ZNF331: variants seen among roughly 807,000 people sequenced by gnomAD.
The protein encoded by ZNF331 is C2H2-like zinc finger protein rearranged in thyroid adenomas.
In ZNF331, 2 loss-of-function variants were observed where a neutral mutation model predicts 7.0. The ratio of observed to expected loss-of-function variants is 0.29; its 90% CI spans 0.12 to 0.90. The LOEUF (loss-of-function observed/expected upper bound fraction) is 0.90. ZNF331 is among the 40% of genes least tolerant of loss of function. The probability of loss-of-function intolerance (pLI) is 0.58; values close to 1 mark genes in which losing one functional copy is unlikely to be tolerated. For synonymous variants in ZNF331, 196 were observed against 205.4 expected (o/e 0.95, Z 0.39); for missense variants, 432 against 587.7 (o/e 0.74, Z 2.74).
rs547932982 is a variant in ZNF331, at chr19:53,539,380, C to T, written c.-138+98C>T. The T allele has an allele frequency of 6.6e-6, 1 of 152,162 alleles. No individual in the cohort carries two copies. Among genetic ancestry groups the T allele is most frequent in the East Asian group, 1.9e-4 (1 of 5,178 alleles). The allele number at this position is 152,162 out of a possible 1,614,324, so 9.4% of individuals were successfully genotyped here. ...GACCAAGATTTGAGTCCTGTTTCTG[C>T]CTCTTAGCTTTTTGAGCCTTCTGAA... On this transcript the variant is annotated intron_variant, in intron 2 of 5. Transcript: ENST00000449416. This position sits in a 1 kb window ranked among gnomAD's most constrained non-coding sequence, Gnocchi z 6.1.
intron 2 of ZNF331, among the ~76,000 whole-genome samples, chr19:53,550,781 C>T (rs1176555969): frequency 6.6e-6 from 1 of 151,652 alleles, no homozygotes; most frequent in Non-Finnish European, 1.5e-5. Context: ...AAGTGACCTG[C>T]CCACCTTGGC....
At position 53,569,331 on chromosome 19, in the gene ZNF331, C is replaced by A; in HGVS notation, c.-46C>A. On this transcript the variant is annotated 5_prime_UTR_variant, in exon 4 of 6. Transcript: ENST00000449416. ...CTAGCCTCTCGGAATTTGTCTTCTTCAGTGGAAACCCCGAGAAGACTGATC... is the reference window on the plus strand; with the variant it reads ...CTAGCCTCTCGGAATTTGTCTTCTTAAGTGGAAACCCCGAGAAGACTGATC... 1 of 1,610,614 alleles carries A rather than the reference C, an allele frequency of 6.2e-7. No individual in the cohort carries two copies. The highest frequency in any genetic ancestry group is 8.5e-7 in the Non-Finnish European group (1 of 1,177,798).
At chr19:53,550,154 G>A (rs1394561756) in intron 2 of ZNF331, among the ~76,000 whole-genome samples, 1 of 152,170 alleles carries the variant, frequency 6.6e-6, no homozygotes, top group African/African-American at 2.4e-5. Flanking sequence ...GTCCTAACAT[G>A]ATCTATCCTG....
intron 2 of ZNF331, among the ~76,000 whole-genome samples, chr19:53,546,346 T>G (rs1279132555): frequency 2.6e-5 from 4 of 151,994 alleles, no homozygotes; most frequent in Admixed American, 2.0e-4. Flanking sequence ...GCCCCAAATA[T>G]CCTCCCTAAT....
Position 53,560,081 on chromosome 19 carries a change from A to G in ZNF331, c.-74+4173A>G, listed in dbSNP as rs979985437. Among the ~76,000 whole-genome samples, 5 of 150,864 alleles carry G rather than the reference A, an allele frequency of 3.3e-5. No individual in the cohort carries two copies. Among genetic ancestry groups the G allele is most frequent in the Non-Finnish European group, 7.4e-5 (5 of 67,430 alleles). ...ACCTACATATACATACCATACACAC[A>G]CATATATACACACATATACCCACAC... On this transcript the variant is annotated intron_variant, in intron 3 of 5. Transcript: ENST00000449416. The surrounding 1 kb of genome is among the most constrained non-coding windows in gnomAD (Gnocchi z 4.3).
chr19:53,553,292 C>CAA (rs978247227), intron 2 of ZNF331, among the ~76,000 whole-genome samples: 26 of 98,358 alleles, frequency 2.6e-4, no homozygotes, highest in Non-Finnish European at 3.4e-4. Flanking sequence ...AACTCCATCT[C>CAA]AAAAAAAAAA....
chr19:53,570,853 C>CTTTT (rs2090409035), intron 4 of ZNF331, among the ~76,000 whole-genome samples: 1 of 141,708 alleles, frequency 7.1e-6, no homozygotes, highest in Non-Finnish European at 1.5e-5. Context: ...CTTTTCTTTT[C>CTTTT]TTTTCTTTTC....
chr19:53,535,435 C>T (rs1438494482), upstream of ZNF331, among the ~76,000 whole-genome samples: 1 of 152,080 alleles, frequency 6.6e-6, no homozygotes, highest in Admixed American at 6.6e-5. Flanking sequence ...ACTGTTAACA[C>T]TTAGTATGTA....
At chr19:53,538,984 T>C (rs1446885419) in intron 1 of ZNF331, 1 of 152,184 alleles carries the variant, frequency 6.6e-6, no homozygotes, top group Non-Finnish European at 1.5e-5. Context: ...GTGCTGTGCA[T>C]GCAGGCCACC....
chr19:53,566,007 C>G (rs1159005346), intron 3 of ZNF331, among the ~76,000 whole-genome samples: 2 of 152,158 alleles, frequency 1.3e-5, no homozygotes, highest in African/African-American at 4.8e-5. Flanking sequence ...CAGGAGCTGT[C>G]AGGACCACCA....
chr19:53,554,191 G>A (rs545154083), intron 2 of ZNF331, among the ~76,000 whole-genome samples: 1 of 152,300 alleles, frequency 6.6e-6, no homozygotes, highest in East Asian at 1.9e-4. Context: ...GGGGACCGCC[G>A]AGTGCGCCTG....
At chr19:53,569,892 A>G (rs1001052184) in intron 4 of ZNF331, among the ~76,000 whole-genome samples, 3 of 152,092 alleles carry the variant, frequency 2.0e-5, no homozygotes, top group African/African-American at 7.2e-5. Context: ...TGGAGGATAA[A>G]TTTTATTATT....
the ZNF331 span, among the ~76,000 whole-genome samples, chr19:53,505,519 T>G: frequency 6.6e-6 from 1 of 152,158 alleles, no homozygotes; most frequent in African/African-American, 2.4e-5. Flanking sequence ...TTAGTCCTGT[T>G]GCATGCAAGG....
At chr19:53,570,954 G>T (rs1346755829) in intron 4 of ZNF331, among the ~76,000 whole-genome samples, 1 of 151,288 alleles carries the variant, frequency 6.6e-6, no homozygotes, top group Non-Finnish European at 1.5e-5. Context: ...ACCACCCCGG[G>T]TTCATGCCAT....
chr19:53,523,809 C>T (rs2087184799), intron 2 of ZNF331, among the ~76,000 whole-genome samples: 1 of 151,918 alleles, frequency 6.6e-6, no homozygotes, highest in Admixed American at 6.6e-5. Context: ...TACATGTGCA[C>T]AATATGCAGG....
At chr19:53,566,624 A>AG (rs2090169326) in intron 3 of ZNF331, among the ~76,000 whole-genome samples, 1 of 152,034 alleles carries the variant, frequency 6.6e-6, no homozygotes, top group Admixed American at 6.6e-5. Flanking sequence ...GAAGAGGGAG[A>AG]GGTTGCATAG....
chr19:53,525,026 T>C (rs1239365336), intron 2 of ZNF331, among the ~76,000 whole-genome samples: 1 of 152,240 alleles, frequency 6.6e-6, no homozygotes, highest in Non-Finnish European at 1.5e-5. Flanking sequence ...AACGGAATCC[T>C]TTCCCCATTT....
chr19:53,521,230 A>C (rs1414384616), exon 1 of ZNF331: 4 of 152,074 alleles, frequency 2.6e-5, no homozygotes, highest in Non-Finnish European at 5.9e-5. Context: ...TTCCGCGGGG[A>C]ATGGCGGTGA....
rs2089794576 is a variant in ZNF331, at chr19:53,560,231, T to A, written c.-74+4323T>A. On this transcript the variant is annotated intron_variant, in intron 3 of 5. Transcript: ENST00000449416. This position sits in a 1 kb window ranked among gnomAD's most constrained non-coding sequence, Gnocchi z 4.3. Reference sequence around the variant, plus strand: ...ATATATATACACACATATATACACATCCACACCATATATACACACACCATG... The same window carrying A: ...ATATATATACACACATATATACACAACCACACCATATATACACACACCATG... 7.0e-6 allele frequency among the ~76,000 whole-genome samples: 1 copy of A among 143,088 alleles called. No individual in the cohort carries two copies. The highest frequency in any genetic ancestry group is 1.5e-5 in the Non-Finnish European group (1 of 65,182). 93.9% of individuals were successfully genotyped at this position (143,088 alleles called of 152,430 possible).
Sources: gnomAD v4.1 joint callset for allele counts (sites outside exome capture counted in the v4.1 genomes callset) on GRCh38, gnomAD v4.1.1 for gene constraint, Gnocchi (gnomAD v3.1) non-coding constraint, MANE v1.5 for transcripts, NCBI Gene and HGNC (gene_info 2026-07-23, HGNC 2026-07-21) for gene names.